Variants in H2AZ2 observed in about 807,000 individuals in gnomAD.
H2AZ2 encodes histone H2A.V.
Under a neutral mutation model 15.5 loss-of-function variants are expected in H2AZ2, and 5 were observed. The observed-to-expected ratio is 0.32, with a 90% CI of 0.17 to 0.68. The LOEUF (loss-of-function observed/expected upper bound fraction) is 0.68, where lower values mean the gene tolerates loss of function less well. H2AZ2 is among the 30% of genes least tolerant of loss of function. The pLI, the probability that H2AZ2 is intolerant of heterozygous loss-of-function variation, is 0.72. For synonymous variants in H2AZ2, 44 were observed against 57.4 expected (o/e 0.77, Z 1.05); for missense variants, 42 against 162.5 (o/e 0.26, Z 4.03).
chr7:44,832,869 G>A lies in H2AZ2; in HGVS notation c.*1632C>T, dbSNP rs1049733828. ...CAGGGCTGAGGTAAGAGGATTGCTT[G>A]GGCCTGAGAGGTGGAGGCTGCAGTG... On this transcript the variant is annotated 3_prime_UTR_variant, in exon 5 of 5. Transcript: ENST00000308153. Among the ~76,000 whole-genome samples, 1 of 152,114 alleles carries A rather than the reference G, an allele frequency of 6.6e-6. No homozygotes were observed. The highest frequency in any genetic ancestry group is 2.4e-5 in the African/African-American group (1 of 41,426).
At chr7:44,836,200 T>C (rs1793118918) in intron 3 of H2AZ2, among the ~76,000 whole-genome samples, 1 of 151,930 alleles carries the variant, frequency 6.6e-6, no homozygotes, top group Non-Finnish European at 1.5e-5. Context: ...TGTGCTGAAA[T>C]GATCTGCCCA....
Position 44,833,858 on chromosome 7 carries a change from G to T in H2AZ2, c.*643C>A. The T allele has an allele frequency of 4.3e-6, 1 of 233,644 alleles. No individual in the cohort carries two copies. Among genetic ancestry groups the T allele is most frequent in the Non-Finnish European group, 7.0e-6 (1 of 142,770 alleles). 14.5% of individuals were successfully genotyped at this position (233,644 alleles called of 1,614,324 possible). On this transcript the variant is annotated 3_prime_UTR_variant, in exon 5 of 5. Transcript: ENST00000308153. The stretch of plus-strand genomic sequence containing the variant: ...ATAATGTGGCAGCAACAACTTTCTT[G>T]GTCAGTAGAGCACTCTGCAAAGGGC...
chr7:44,836,319 T>C (rs1401551954), intron 3 of H2AZ2, among the ~76,000 whole-genome samples: 3 of 152,202 alleles, frequency 2.0e-5, no homozygotes, highest in Admixed American at 2.0e-4. Flanking sequence ...CCTTAATAGC[T>C]GAAATGTATT....
At chr7:44,847,732 C>T (rs1197809671) in intron 1 of H2AZ2, among the ~76,000 whole-genome samples, 2 of 152,196 alleles carry the variant, frequency 1.3e-5, no homozygotes, top group Non-Finnish European at 2.9e-5. Flanking sequence ...CGGGACAGAT[C>T]TATCCGGCTC....
chr7:44,837,435 A>G (rs1363913345), intron 3 of H2AZ2, among the ~76,000 whole-genome samples: 365 of 8,590 alleles, frequency 0.042, no homozygotes, highest in Non-Finnish European at 0.1. Context: ...AAAAAAAAGA[A>G]AAAAAAAAAA....
At chr7:44,831,055 T>TTG, downstream of H2AZ2, among the ~76,000 whole-genome samples, 1 of 152,260 alleles carries the variant, frequency 6.6e-6, no homozygotes, top group Non-Finnish European at 1.5e-5. Context: ...TAATGCCAGC[T>TTG]ACTCAGGAGG....
intron 1 of H2AZ2, among the ~76,000 whole-genome samples, chr7:44,847,664 C>T (rs1052412924): frequency 6.6e-6 from 1 of 152,214 alleles, no homozygotes; most frequent in Admixed American, 6.5e-5. Flanking sequence ...TCTACATTTC[C>T]AAGCCGGATT....
At chr7:44,836,131 A>G (rs146193509) in intron 3 of H2AZ2, among the ~76,000 whole-genome samples, 2,385 of 151,448 alleles carry the variant, frequency 0.016, 30 homozygotes, top group Non-Finnish European at 0.024. Flanking sequence ...GCTTTTTTGT[A>G]TTTTTGTTTT....
rs1793461451 is a variant in H2AZ2 at position 44,848,031 on chromosome 7, C to CGCCGCCGCCGCTCTCGCAGCACCG, written c.-84_-61dup. 3 of 1,121,726 alleles carry CGCCGCCGCCGCTCTCGCAGCACCG rather than the reference C, an allele frequency of 2.7e-6. No homozygotes were observed. The highest frequency in any genetic ancestry group is 3.3e-5 in the African/African-American group (2 of 60,948). The allele number at this position is 1,121,726 out of a possible 1,614,324, so 69.5% of individuals were successfully genotyped here. On this transcript the variant is annotated 5_prime_UTR_variant, in exon 1 of 5. Transcript: ENST00000308153. ...GCGCCCTCCCGCTGCCGACCCGCGC[C>CGCCGCCGCCGCTCTCGCAGCACCG]GCCGCCGCCGCTCTCGCAGCACCGA...
chr7:44,838,563 G>C (rs1020120423), intron 3 of H2AZ2, among the ~76,000 whole-genome samples: 2 of 152,116 alleles, frequency 1.3e-5, no homozygotes, highest in African/African-American at 4.8e-5. Flanking sequence ...TGAGGTGGGA[G>C]AATTACTGGA....
chr7:44,848,070 A>G lies in H2AZ2; in HGVS notation c.-99T>C. On this transcript the variant is annotated 5_prime_UTR_variant, in exon 1 of 5. Transcript: ENST00000308153. The stretch of plus-strand genomic sequence containing the variant: ...TCGCAGCACCGACCGCCGCCGCCGG[A>G]GCCGGACAATACCCCGTGCCCGCCT... The G allele has an allele frequency of 1.4e-6, 1 of 709,428 alleles. No individual in the cohort carries two copies. The highest frequency in any genetic ancestry group is 1.9e-6 in the Non-Finnish European group (1 of 515,902). The allele number at this position is 709,428 out of a possible 1,614,324, so 43.9% of individuals were successfully genotyped here.
rs773872384 is a variant in H2AZ2 at position 44,840,891 on chromosome 7, G to A, written c.195+8C>T. On this transcript the variant is annotated splice_region_variant and intron_variant, in intron 3 of 4. Transcript: ENST00000308153. ...ATGGCCATATACAACAGACATTCCT[G>A]TACAAACCTCTGCAGTGAGGTACTC... is the stretch of plus-strand genomic sequence containing the variant. 17 of 1,599,240 alleles carry A rather than the reference G, an allele frequency of 1.1e-5. No individual in the cohort carries two copies. Among genetic ancestry groups the A allele is most frequent in the African/African-American group, 4.0e-5 (3 of 74,614 alleles).
intron 1 of H2AZ2, among the ~76,000 whole-genome samples, chr7:44,844,895 G>A (rs1200238537): frequency 1.3e-5 from 2 of 152,060 alleles, no homozygotes; most frequent in Non-Finnish European, 2.9e-5. Flanking sequence ...CAATAAATTA[G>A]AAATGTTATT....
At chr7:44,845,987 G>A (rs1003304017) in intron 1 of H2AZ2, among the ~76,000 whole-genome samples, 1 of 148,744 alleles carries the variant, frequency 6.7e-6, no homozygotes, top group South Asian at 2.2e-4. Context: ...AACTGACTTC[G>A]TATTAACCTG....
At chr7:44,835,209 G>A (rs1345223697) in intron 4 of H2AZ2, 2 of 353,666 alleles carry the variant, frequency 5.7e-6, no homozygotes, top group Admixed American at 4.3e-5. Context: ...CCTTTCCAGT[G>A]TATGTTATGC....
At chr7:44,845,800 TAACAA>T (rs975271049) in intron 1 of H2AZ2, among the ~76,000 whole-genome samples, 4 of 152,156 alleles carry the variant, frequency 2.6e-5, no homozygotes, top group African/African-American at 9.7e-5. Flanking sequence ...TTCTCATACT[TAACAA>T]AAGAAAACTT....
intron 3 of H2AZ2, among the ~76,000 whole-genome samples, chr7:44,837,631 C>T (rs1354517876): frequency 6.6e-6 from 1 of 151,330 alleles, no homozygotes; most frequent in Non-Finnish European, 1.5e-5. Flanking sequence ...GCTGGGACTA[C>T]AGGTGCACAC....
chr7:44,834,691 C>G (rs1357209654), intron 4 of H2AZ2, 129 bp from the exon 5 acceptor site: 1 of 768,278 alleles, frequency 1.3e-6, no homozygotes, highest in Non-Finnish European at 2.0e-6. Context: ...ACTATCTATA[C>G]CAATGGCTAC....
chr7:44,834,697 G>A, intron 4 of H2AZ2, 135 bp from the exon 5 acceptor site: 1 of 733,214 alleles, frequency 1.4e-6, no homozygotes, highest in Non-Finnish European at 2.2e-6. Flanking sequence ...TATACCAATG[G>A]CTACACCCCA....
Sources: allele counts gnomAD v4.1 joint callset (sites outside exome capture counted in the v4.1 genomes callset), GRCh38; gene constraint gnomAD v4.1.1; transcripts MANE v1.5; gene names NCBI Gene and HGNC (gene_info 2026-07-23, HGNC 2026-07-21).